The following CNTN3 variants were observed in gnomAD, a reference collection of about 807,000 sequenced individuals.
CNTN3 encodes contactin 3, also known as contactin-3.
In CNTN3, 60 loss-of-function variants were observed where a neutral mutation model predicts 119.1. That is an observed-to-expected ratio of 0.50 (90% CI 0.41 to 0.62). The LOEUF is 0.62. CNTN3 is among the 20% of genes least tolerant of loss of function. The pLI, the probability that CNTN3 is intolerant of heterozygous loss-of-function variation, is 0.00. For synonymous variants in CNTN3, 450 were observed against 438.7 expected (o/e 1.03, Z -0.32); for missense variants, 1,101 against 1,242.4 (o/e 0.89, Z 1.71).
intron 4 of CNTN3, among the ~76,000 whole-genome samples, chr3:74,462,633 G>C (rs1702390734): frequency 6.6e-6 from 1 of 152,016 alleles, no homozygotes; most frequent in Non-Finnish European, 1.5e-5. Flanking sequence ...TACTTACTAG[G>C]CCACTTCCTC....
chr3:74,402,524 C>T (rs972998390), intron 5 of CNTN3, among the ~76,000 whole-genome samples: 2 of 152,088 alleles, frequency 1.3e-5, no homozygotes, highest in Non-Finnish European at 2.9e-5. Context: ...AAGTAGGTGG[C>T]AAATGACATT....
chr3:74,602,149 C>T (rs1704920915), intron 1 of CNTN3, among the ~76,000 whole-genome samples: 1 of 151,570 alleles, frequency 6.6e-6, no homozygotes, highest in South Asian at 2.1e-4. Context: ...ATTAGCCAGG[C>T]ACGGTGGTGC....
intron 1 of CNTN3, among the ~76,000 whole-genome samples, chr3:74,569,507 G>A (rs750767366): frequency 6.6e-6 from 1 of 152,086 alleles, no homozygotes; most frequent in East Asian, 1.9e-4. Context: ...GTTTCTCTTG[G>A]GAGAGAAAGC....
chr3:74,301,377 C>A, intron 16 of CNTN3, 21 bp downstream of exon 16: 2 of 1,608,522 alleles, frequency 1.2e-6, no homozygotes, highest in Non-Finnish European at 1.7e-6. Context: ...TAATCCATTA[C>A]TCAGAAAAAA....
chr3:74,471,717 T>C (rs1034857216), intron 4 of CNTN3, among the ~76,000 whole-genome samples: 1 of 152,224 alleles, frequency 6.6e-6, no homozygotes, highest in Non-Finnish European at 1.5e-5. Flanking sequence ...TAGAACATTC[T>C]GGGCTCTTTT....
chr3:74,545,205 C>A (rs1401289926), intron 1 of CNTN3, among the ~76,000 whole-genome samples: 1 of 152,076 alleles, frequency 6.6e-6, no homozygotes, highest in East Asian at 1.9e-4. Context: ...TTACTCCAAA[C>A]TAAAATTAGG....
At chr3:74,380,042 A>G (rs1704576827) in intron 5 of CNTN3, among the ~76,000 whole-genome samples, 2 of 152,194 alleles carry the variant, frequency 1.3e-5, no homozygotes, top group Admixed American at 6.5e-5. Context: ...TGGTACAGTG[A>G]TGAGACTCAA....
intron 1 of CNTN3, among the ~76,000 whole-genome samples, chr3:74,608,403 T>C (rs1364380637): frequency 2.0e-5 from 3 of 152,216 alleles, no homozygotes; most frequent in Admixed American, 2.0e-4. Flanking sequence ...AGTCATTTAG[T>C]TATTTCTTTC....
chr3:74,323,495 A>G (rs1703047405), intron 13 of CNTN3, among the ~76,000 whole-genome samples: 1 of 152,140 alleles, frequency 6.6e-6, no homozygotes, highest in African/African-American at 2.4e-5. Flanking sequence ...TCTTTTTGAG[A>G]TAACAAAGAT....
intron 1 of CNTN3, among the ~76,000 whole-genome samples, chr3:74,563,887 A>G (rs1704189168): frequency 6.6e-6 from 1 of 151,974 alleles, no homozygotes; most frequent in Admixed American, 6.6e-5. Context: ...CTCCCATCCA[A>G]TTTTTAGAGC....
chr3:74,394,999 T>A (rs893318655), intron 5 of CNTN3, among the ~76,000 whole-genome samples: 2 of 152,172 alleles, frequency 1.3e-5, no homozygotes, highest in African/African-American at 2.4e-5. Flanking sequence ...ATTAATAAGA[T>A]AAAATGCAAA....
chr3:74,367,334 T>A (rs1453835011), intron 8 of CNTN3, among the ~76,000 whole-genome samples: 1 of 152,134 alleles, frequency 6.6e-6, no homozygotes, highest in Non-Finnish European at 1.5e-5. Flanking sequence ...CTGTTGGTTT[T>A]CTATTGTGCA....
chr3:74,535,158 A>G (rs1314596835), intron 1 of CNTN3, among the ~76,000 whole-genome samples: 3 of 152,054 alleles, frequency 2.0e-5, no homozygotes, highest in Non-Finnish European at 4.4e-5. Context: ...TGTGTTTTTA[A>G]AATTTGCTTT....
At position 74,499,684 on chromosome 3, in the gene CNTN3, T is replaced by C. The variant is rs1184106721; in HGVS notation, c.157A>G (p.Arg53Gly). The change falls in exon 3 of 23, where the codon AGA becomes GGA. Residue 53 changes from arginine (R) to glycine (G), a missense_variant. Transcript: ENST00000263665. ...DKKITLHCEA[R>G]GNPSPHYRWQ... ...CTGTAATGAGGTGATGGATTGCCTC[T>C]TGCTTCACAATGCAAAGTTATTTTT... The C allele has an allele frequency of 6.2e-7, 1 of 1,610,908 alleles. No homozygotes were observed. Among genetic ancestry groups the C allele is most frequent in the African/African-American group, 1.3e-5 (1 of 74,732 alleles).
At chr3:74,485,930 G>A (rs1702848324) in intron 4 of CNTN3, among the ~76,000 whole-genome samples, 1 of 152,032 alleles carries the variant, frequency 6.6e-6, no homozygotes, top group East Asian at 1.9e-4. Flanking sequence ...GGTAATTTGT[G>A]AGGTCATCTG....
chr3:74,322,210 T>A (rs482081), intron 13 of CNTN3, among the ~76,000 whole-genome samples: 2 of 147,836 alleles, frequency 1.4e-5, no homozygotes, highest in African/African-American at 2.5e-5. Context: ...AATGAGAAGA[T>A]GAGCCATAGA....
intron 5 of CNTN3, among the ~76,000 whole-genome samples, chr3:74,417,796 A>G (rs2106882990): frequency 6.6e-6 from 1 of 152,306 alleles, no homozygotes; most frequent in Non-Finnish European, 1.5e-5. Flanking sequence ...ACTTGTCTTA[A>G]TGCGACTATG....
intron 5 of CNTN3, among the ~76,000 whole-genome samples, chr3:74,379,217 A>G (rs960568227): frequency 1.2e-4 from 18 of 152,140 alleles, no homozygotes; most frequent in African/African-American, 4.3e-4. Context: ...GTGCAGTGGC[A>G]TGATCTCAGC....
chr3:74,358,487 A>T (rs953663256), intron 11 of CNTN3, among the ~76,000 whole-genome samples: 2 of 151,742 alleles, frequency 1.3e-5, no homozygotes, highest in African/African-American at 4.8e-5. Context: ...TTGCAGTTAA[A>T]TGTGGCCAGG....
Sources: gnomAD v4.1 joint callset for allele counts (sites outside exome capture counted in the v4.1 genomes callset) on GRCh38, gnomAD v4.1.1 for gene constraint, MANE v1.5 for transcripts, NCBI Gene and HGNC (gene_info 2026-07-23, HGNC 2026-07-21) for gene names.